KCNQ1: variants seen among roughly 807,000 people sequenced by gnomAD.
KCNQ1 encodes the protein potassium voltage-gated channel subfamily Q member 1, also known as potassium voltage-gated channel subfamily KQT member 1.
KCNQ1 carries 49 observed loss-of-function variants against 72.4 expected under a neutral mutation model. That is an observed-to-expected ratio of 0.68 (90% CI 0.54 to 0.86). KCNQ1 has a LOEUF of 0.86. Among genes scored for constraint, KCNQ1 ranks in the 40% least tolerant of loss-of-function variants. The probability of loss-of-function intolerance (pLI) is 0.00; values close to 1 mark genes in which losing one functional copy is unlikely to be tolerated. For synonymous variants in KCNQ1, 450 were observed against 412.6 expected, an observed-to-expected ratio of 1.09 and a Z score of -1.10; for missense variants, 790 against 945.1, an observed-to-expected ratio of 0.84 and a Z score of 2.15.
rs1850343171 is a variant in KCNQ1 at position 2,679,069 on chromosome 11, C to A, written c.1514+16988C>A. ...CCATACCAACCACCAAAAAAACCCA[C>A]TAACACCATAAAGTGTCATAGCTAG... On this transcript the variant is annotated intron_variant, in intron 11 of 15. Transcript: ENST00000155840. The surrounding 1 kb of genome is among the most constrained non-coding windows in gnomAD (Gnocchi z 4.8). 1 of 398,674 alleles carries A rather than the reference C, an allele frequency of 2.5e-6. No homozygotes were observed. The highest frequency in any genetic ancestry group is 4.4e-5 in the Admixed American group (1 of 22,738). The allele number at this position is 398,674 out of a possible 1,614,324, so 24.7% of individuals were successfully genotyped here.
At chr11:2,776,449 C>A (rs1846703810) in intron 13 of KCNQ1, among the ~76,000 whole-genome samples, 1 of 152,218 alleles carries the variant, frequency 6.6e-6, no homozygotes, top group African/African-American at 2.4e-5. Flanking sequence ...GGGCCAGGCC[C>A]AGCCCTGGGA....
In KCNQ1 at chr11:2,652,025, C is replaced by A. The variant is rs550537056; in HGVS notation, c.1394-9936C>A. 11 of 398,580 alleles carry A rather than the reference C, an allele frequency of 2.8e-5. No individual in the cohort carries two copies. The highest frequency in any genetic ancestry group is 4.9e-5 in the Non-Finnish European group (11 of 226,106). The allele number at this position is 398,580 out of a possible 1,614,324, so 24.7% of individuals were successfully genotyped here. The stretch of plus-strand genomic sequence containing the variant: ...ACATAATTTTGATGTTGAGCCTCCC[C>A]CCAGTTCTGGGGTGGCTCTGACTGT... On this transcript the variant is annotated intron_variant, in intron 10 of 15. Coordinates refer to ENST00000155840, the MANE Select transcript of KCNQ1 (RefSeq NM_000218.3). The surrounding 1 kb of genome is among the most constrained non-coding windows in gnomAD (Gnocchi z 5.9).
chr11:2,518,593 G>C lies in KCNQ1; in HGVS notation c.387-9335G>C, dbSNP rs1122602. Among the ~76,000 whole-genome samples the C allele has an allele frequency of 5.4e-3, 817 of 152,332 alleles. 8 individuals carry two copies. The highest frequency in any genetic ancestry group is 0.019 in the African/African-American group (787 of 41,564). On this transcript the variant is annotated intron_variant, in intron 1 of 15. Transcript: ENST00000155840. Reference sequence around the variant, plus strand: ...CTGAAACCCCAAGAGGCTGGGGACAGCCTTGGTCCTGCTGTGGGACACAGG... The same window carrying C: ...CTGAAACCCCAAGAGGCTGGGGACACCCTTGGTCCTGCTGTGGGACACAGG...
intron 11 of KCNQ1, among the ~76,000 whole-genome samples, chr11:2,739,662 A>G (rs1008254240): frequency 6.6e-6 from 1 of 152,182 alleles, no homozygotes; most frequent in African/African-American, 2.4e-5. Flanking sequence ...CATGGCTCCT[A>G]TCCACGGCAC....
At chr11:2,637,490 G>A (rs914075472) in intron 10 of KCNQ1, 4 of 152,178 alleles carry the variant, frequency 2.6e-5, no homozygotes, top group East Asian at 1.9e-4. Flanking sequence ...GTCGTTGAGC[G>A]GTTTTGAGTG....
At chr11:2,649,479 G>T in intron 10 of KCNQ1, 1 of 398,448 alleles carries the variant, frequency 2.5e-6, no homozygotes, top group South Asian at 1.3e-4. Flanking sequence ...TAGTAGTAAT[G>T]AATTCCCTCA....
chr11:2,616,781 A>T lies in KCNQ1; in HGVS notation c.1393+27927A>T, dbSNP rs560396600. 21 of 398,206 alleles carry T rather than the reference A, an allele frequency of 5.3e-5. No homozygotes were observed. In the East Asian group the frequency reaches 7.1e-4, roughly 14 times the overall value. The allele number at this position is 398,206 out of a possible 1,614,324, so 24.7% of individuals were successfully genotyped here. A position where few individuals can be genotyped will look rare whatever the true frequency, so the allele number is the denominator to read the frequency against. ...GTATGATTTCTATATTTTAAAATTT[A>T]TTGAGACTCTTTTGTGGCCTAACAT... On this transcript the variant is annotated intron_variant, in intron 10 of 15. Transcript: ENST00000155840.
At chr11:2,510,009 C>T (rs1354631013) in intron 1 of KCNQ1, among the ~76,000 whole-genome samples, 4 of 152,228 alleles carry the variant, frequency 2.6e-5, no homozygotes, top group South Asian at 2.1e-4. Flanking sequence ...GTGCCTCAGG[C>T]CTGTCAATCC....
At position 2,495,437 on chromosome 11, in the gene KCNQ1, G is replaced by A. The variant is rs920605179; in HGVS notation, c.387-32491G>A. Among the ~76,000 whole-genome samples, 19 of 151,980 alleles carry A rather than the reference G, an allele frequency of 1.3e-4. No homozygotes were observed. The highest frequency in any genetic ancestry group is 4.4e-4 in the African/African-American group (18 of 41,364). On this transcript the variant is annotated intron_variant, in intron 1 of 15. Coordinates refer to ENST00000155840, the MANE Select transcript of KCNQ1 (RefSeq NM_000218.3). The surrounding 1 kb of genome is among the most constrained non-coding windows in gnomAD (Gnocchi z 4.6). Reference sequence around the variant, plus strand: ...CTTTTAATTGTGATGTTTGGGTGTCGATTTCAGATCTCTCTAGCTTTCTGA... The same window carrying A: ...CTTTTAATTGTGATGTTTGGGTGTCAATTTCAGATCTCTCTAGCTTTCTGA...
chr11:2,571,476 TCA>T, intron 4 of KCNQ1, 73 bp downstream of exon 4: 1 of 1,223,918 alleles, frequency 8.2e-7, no homozygotes, highest in Non-Finnish European at 1.2e-6. Flanking sequence ...GCGGGTGGTC[TCA>T]CGCCCCATCC....
rs1316731460 is a variant in KCNQ1 at position 2,668,465 on chromosome 11, C to T, written c.1514+6384C>T. 2.5e-5 allele frequency: 10 copies of T among 398,602 alleles called. No individual in the cohort carries two copies. The South Asian group carries it at 6.4e-4, about 25-fold the overall frequency. The allele number at this position is 398,602 out of a possible 1,614,324, so 24.7% of individuals were successfully genotyped here. ...CCACATCCTAACACTTGGCATTTTC[C>T]GTCGTTTCCTTTTCAGCCATGATGG... On this transcript the variant is annotated intron_variant, in intron 11 of 15. Transcript: ENST00000155840. The surrounding 1 kb of genome is among the most constrained non-coding windows in gnomAD (Gnocchi z 4.3).
At chr11:2,557,068 G>A (rs1848083033) in intron 2 of KCNQ1, among the ~76,000 whole-genome samples, 3 of 152,196 alleles carry the variant, frequency 2.0e-5, no homozygotes, top group Admixed American at 2.0e-4. Flanking sequence ...ACATTGCTCA[G>A]CAGCATTAAG....
chr11:2,531,320 G>A (rs1436315774), intron 2 of KCNQ1, among the ~76,000 whole-genome samples: 1 of 150,754 alleles, frequency 6.6e-6, no homozygotes, highest in African/African-American at 2.4e-5. Context: ...TGGGCTTCAT[G>A]TGCCCGTCTG....
chr11:2,587,652 C>T lies in KCNQ1; in HGVS notation c.1211C>T (p.Thr404Ile), dbSNP rs1490239200. 6.2e-7 allele frequency: 1 copy of T among 1,613,856 alleles called. No individual in the cohort carries two copies. The highest frequency in any genetic ancestry group is 8.5e-7 in the Non-Finnish European group (1 of 1,180,024). Reference sequence around the variant, plus strand: ...ATCCGGAAGGCCCCCCGGAGCCACACTCTGCTGTCACCCAGCCCCAAACCC... The same window carrying T: ...ATCCGGAAGGCCCCCCGGAGCCACATTCTGCTGTCACCCAGCCCCAAACCC... ...IYIRKAPRSHTLLSPSPKPKK... is the reference protein window; with the variant it reads ...IYIRKAPRSHILLSPSPKPKK... Residue 404 changes from threonine to isoleucine, a missense_variant, in exon 9 of 16, where the codon ACT becomes ATT. Thr to Ile is a moderately conservative substitution (Grantham distance 89). Coordinates refer to ENST00000155840, the MANE Select transcript of KCNQ1 (RefSeq NM_000218.3).
At position 2,623,785 on chromosome 11, in the gene KCNQ1, C is replaced by A. The variant is rs552643134; in HGVS notation, c.1393+34931C>A. 155 of 398,422 alleles carry A rather than the reference C, an allele frequency of 3.9e-4. No homozygotes were observed. Among genetic ancestry groups the A allele is most frequent in the Non-Finnish European group, 5.8e-4 (132 of 226,006 alleles). The allele number at this position is 398,422 out of a possible 1,614,324, so 24.7% of individuals were successfully genotyped here. On this transcript the variant is annotated intron_variant, in intron 10 of 15. Coordinates refer to ENST00000155840, the MANE Select transcript of KCNQ1 (RefSeq NM_000218.3). This position sits in a 1 kb window ranked among gnomAD's most constrained non-coding sequence, Gnocchi z 5.2. ...GTCTTCACCTCCTTTGAGTAAATAC[C>A]AAGGATGTGATTGCTGAACTGCATG... is the stretch of plus-strand genomic sequence containing the variant.
At chr11:2,667,428 G>A (rs1474583361) in intron 11 of KCNQ1, 1 of 398,640 alleles carries the variant, frequency 2.5e-6, no homozygotes, top group Non-Finnish European at 4.4e-6. Flanking sequence ...TGAACTCCCA[G>A]CCATGATGCT....
At chr11:2,644,750 C>G (rs1160662641) in intron 10 of KCNQ1, 1 of 398,472 alleles carries the variant, frequency 2.5e-6, no homozygotes, top group East Asian at 3.6e-5. Flanking sequence ...TTGGGCAGGG[C>G]ACTTTGGTTT....
chr11:2,585,354 A>G (rs752108426), intron 8 of KCNQ1, 47 bp downstream of exon 8: 1 of 1,534,556 alleles, frequency 6.5e-7, no homozygotes, highest in Admixed American at 1.7e-5. Context: ...GGTCACTGTT[A>G]TTGTTGCATC....
intron 1 of KCNQ1, among the ~76,000 whole-genome samples, chr11:2,453,022 T>C (rs1487167764): frequency 6.6e-6 from 1 of 152,198 alleles, no homozygotes; most frequent in East Asian, 1.9e-4. Flanking sequence ...GAAGAAACTT[T>C]TCTATGACTT....
Sources: gnomAD v4.1 joint callset for allele counts (sites outside exome capture counted in the v4.1 genomes callset) on GRCh38, gnomAD v4.1.1 for gene constraint, Gnocchi (gnomAD v3.1) non-coding constraint, MANE v1.5 for transcripts, NCBI Gene and HGNC (gene_info 2026-07-23, HGNC 2026-07-21) for gene names.